ZSWIM4: variants seen among roughly 807,000 people sequenced by gnomAD.
ZSWIM4 encodes zinc finger SWIM-type containing 4.
Under a neutral mutation model 102.5 loss-of-function variants are expected in ZSWIM4, and 62 were observed. The observed-to-expected ratio is 0.60, with a 90% CI of 0.49 to 0.75. The LOEUF is 0.75. Ranked by LOEUF, ZSWIM4 falls within the 30% of genes least tolerant of loss-of-function variation. The pLI, the probability that ZSWIM4 is intolerant of heterozygous loss-of-function variation, is 0.00. For synonymous variants in ZSWIM4, 652 were observed against 674.5 expected, an observed-to-expected ratio of 0.97 and a Z score of 0.52; for missense variants, 1,280 against 1,529.6, an observed-to-expected ratio of 0.84 and a Z score of 2.72.
At chr19:13,810,393 A>G (rs980452890) in intron 5 of ZSWIM4, among the ~76,000 whole-genome samples, 1 of 148,324 alleles carries the variant, frequency 6.7e-6, no homozygotes, top group African/African-American at 2.5e-5. Flanking sequence ...CCTGGGTTCA[A>G]ATGATTCTCC....
rs376521366 is a variant in ZSWIM4, at chr19:13,819,393, G to A, written c.1961G>A (p.Arg654Gln). The A allele has an allele frequency of 1.2e-5, 19 of 1,613,200 alleles. No individual in the cohort carries two copies. Among genetic ancestry groups the A allele is most frequent in the South Asian group, 7.7e-5 (7 of 90,860 alleles). ...PFSGFGEVLFRESVPMHTCAR... is the reference protein window; with the variant it reads ...PFSGFGEVLFQESVPMHTCAR... ...AGTGGCTTTGGGGAGGTGCTGTTCC[G>A]GGAGAGCGTGCCCATGCACACCTGT... Residue 654 changes from arginine to glutamine, a missense_variant, in exon 10 of 14, where the codon CGG becomes CAG. By Grantham distance (43) the Arg-to-Gln change is conservative (BLOSUM62 1). Transcript: ENST00000590508.
intron 5 of ZSWIM4, among the ~76,000 whole-genome samples, chr19:13,811,386 C>T (rs1490880108): frequency 6.6e-6 from 1 of 152,054 alleles, no homozygotes; most frequent in African/African-American, 2.4e-5. Context: ...GCTGGGAGGC[C>T]AGGTGCAGTG....
chr19:13,804,406 G>T (rs1023444319), intron 2 of ZSWIM4, among the ~76,000 whole-genome samples: 2 of 151,850 alleles, frequency 1.3e-5, no homozygotes, highest in Non-Finnish European at 2.9e-5. Flanking sequence ...GGAGGTGGAG[G>T]TTGCGGTGAG....
intron 1 of ZSWIM4, 25 bp downstream of exon 1, chr19:13,795,826 G>A (rs1426265932): frequency 1.6e-5 from 19 of 1,224,820 alleles, no homozygotes; most frequent in Non-Finnish European, 1.8e-5. Flanking sequence ...AGGGGGCGGG[G>A]GCAGGGACGC....
rs28478804 is a variant in ZSWIM4 at position 13,825,332 on chromosome 19, G to A, written c.2216-218G>A. 0.34 allele frequency among the ~76,000 whole-genome samples: 51,814 copies of A among 151,878 alleles called. 9,512 individuals carry two copies. The highest frequency in any genetic ancestry group is 0.48 in the African/African-American group (20,050 of 41,388). On this transcript the variant is annotated intron_variant, in intron 11 of 13. Transcript: ENST00000590508. The surrounding 1 kb of genome is among the most constrained non-coding windows in gnomAD (Gnocchi z 4.6). ...GTGAGCCACTGCGCCCGGCCCCTAG[G>A]TGGCTTTCTGTAACAGGAAAGGGCC... is the stretch of plus-strand genomic sequence containing the variant.
At chr19:13,807,755 A>G (rs897741163) in intron 3 of ZSWIM4, among the ~76,000 whole-genome samples, 7 of 35,814 alleles carry the variant, frequency 2.0e-4, no homozygotes, top group African/African-American at 1.9e-3. Context: ...GGATGGATGC[A>G]TGGATGGATG....
In ZSWIM4 at chr19:13,830,775, C is replaced by G. The variant is rs776380959; in HGVS notation, c.3046C>G (p.Arg1016Gly). 6.2e-7 allele frequency: 1 copy of G among 1,605,154 alleles called. No individual in the cohort carries two copies. The highest frequency in any genetic ancestry group is 8.5e-7 in the Non-Finnish European group (1 of 1,175,972). The change falls in exon 14 of 14, where the codon CGC (arginine) becomes GGC (glycine). Residue 1016 changes from arginine (R) to glycine (G), a missense_variant. Arg to Gly is a moderately radical substitution (Grantham distance 125, BLOSUM62 -2). Transcript: ENST00000590508. Reference protein sequence around the residue: ...SAPGLGPLGARRAAKPLGADR... With the variant: ...SAPGLGPLGAGRAAKPLGADR... ...GCCCGGTCTGGGCCCCTTAGGGGCA[C>G]GCCGGGCCGCCAAGCCACTGGGTGC...
At chr19:13,802,589 A>G (rs34414633) in intron 2 of ZSWIM4, among the ~76,000 whole-genome samples, 2 of 150,946 alleles carry the variant, frequency 1.3e-5, no homozygotes, top group Non-Finnish European at 3.0e-5. Context: ...CAAAAGAAAA[A>G]AAAAAGGGAG....
rs1189263268 is a variant in ZSWIM4 at position 13,809,930 on chromosome 19, G to GA, written c.1012+711dup. Among the ~76,000 whole-genome samples, 5 of 151,886 alleles carry GA rather than the reference G, an allele frequency of 3.3e-5. No homozygotes were observed. In the East Asian group the frequency reaches 7.8e-4, roughly 24 times the overall value. On this transcript the variant is annotated intron_variant, in intron 5 of 13. Coordinates refer to ENST00000590508, the MANE Select transcript of ZSWIM4 (RefSeq NM_001367834.3). The surrounding 1 kb of genome is among the most constrained non-coding windows in gnomAD (Gnocchi z 4.2). ...CCTTGGCCTCTCAAAGTGCTGGGAT[G>GA]ACAGGCATGAGCCACTGTACCAAGC...
chr19:13,812,285 G>C (rs1350621716), intron 5 of ZSWIM4, among the ~76,000 whole-genome samples: 1 of 151,622 alleles, frequency 6.6e-6, no homozygotes, highest in African/African-American at 2.4e-5. Flanking sequence ...TTGTTTGTTT[G>C]TTTTTGTTTT....
In ZSWIM4 at chr19:13,804,891, C is replaced by T; in HGVS notation, c.455C>T (p.Ser152Phe). The T allele has an allele frequency of 6.2e-7, 1 of 1,613,664 alleles. No homozygotes were observed. The highest frequency in any genetic ancestry group is 8.5e-7 in the Non-Finnish European group (1 of 1,180,036). Residue 152 changes from serine (S) to phenylalanine (F), a missense_variant, in exon 3 of 14, where the codon TCC becomes TTC. Physicochemically the swap from Ser to Phe is radical, Grantham distance 155. Transcript: ENST00000590508. ...SISFDRCKIT[S>F]VSCGCDNRDL... is the part of the protein sequence containing the mutation. Reference sequence around the variant, plus strand: ...AGCTTTGATCGCTGCAAGATCACGTCCGTGAGCTGCGGCTGTGACAACCGC... The same window carrying T: ...AGCTTTGATCGCTGCAAGATCACGTTCGTGAGCTGCGGCTGTGACAACCGC...
intron 3 of ZSWIM4, 75 bp from the exon 4 acceptor site, chr19:13,808,761 A>AAT: frequency 8.4e-7 from 1 of 1,192,370 alleles, no homozygotes; most frequent in Non-Finnish European, 1.1e-6. Context: ...AAAAAAAAAA[A>AAT]GGACAGCTCT....
Position 13,805,072 on chromosome 19 carries a change from C to A in ZSWIM4, c.636C>A (p.His212Gln). The part of the protein sequence containing the change: ...KFVQYLISAH[H>Q]TEVLPTAQRL... ...TGCAGTACCTCATCAGCGCCCATCA[C>A]ACTGAGGTGCTGCCCACTGCTCAGC... The change falls in exon 3 of 14, where the codon CAC becomes CAA. Residue 212 changes from histidine to glutamine, a missense_variant. Physicochemically the swap from His to Gln is conservative, Grantham distance 24. Transcript: ENST00000590508. The A allele has an allele frequency of 6.2e-7, 1 of 1,608,062 alleles. No individual in the cohort carries two copies.
At position 13,830,206 on chromosome 19, in the gene ZSWIM4, T is replaced by A; in HGVS notation, c.2477T>A (p.Met826Lys). The A allele has an allele frequency of 6.2e-7, 1 of 1,611,660 alleles. No homozygotes were observed. Among genetic ancestry groups the A allele is most frequent in the Non-Finnish European group, 8.5e-7 (1 of 1,178,612 alleles). The change falls in exon 14 of 14, where the codon ATG (methionine) becomes AAG (lysine). Residue 826 changes from methionine to lysine, a missense_variant. Met to Lys is a moderately conservative substitution (Grantham distance 95). Transcript: ENST00000590508. ...CTCCCACCAGGCCCGCAAGCCCTGA[T>A]GAATATCATGCAGAACTGGTATTCC... is the stretch of plus-strand genomic sequence containing the variant. ...CATEIGPQAL[M>K]NIMQNWYSLF... is the part of the protein sequence containing the mutation.
At chr19:13,815,475 TTTTTTTTTTTTTTG>T in intron 7 of ZSWIM4, among the ~76,000 whole-genome samples, 1 of 129,404 alleles carries the variant, frequency 7.7e-6, no homozygotes, top group African/African-American at 3.0e-5. Context: ...TTTTTTTTTT[TTTTTTTTTTTTTTG>T]AGATGGAGTC....
rs762129863 is a variant in ZSWIM4 at position 13,819,425 on chromosome 19, T to C, written c.1993T>C (p.Tyr665His). ...CGTGCCCATGCACACCTGTGCCCGC[T>C]ACCTGTTCACCGCACTGCTGCCTCA... ...ESVPMHTCAR[Y>H]LFTALLPHDP... The change falls in exon 10 of 14, where the codon TAC (tyrosine) becomes CAC (histidine). Residue 665 changes from tyrosine (Y) to histidine (H), a missense_variant. Tyr to His is a moderately conservative substitution (Grantham distance 83). Coordinates refer to ENST00000590508, the MANE Select transcript of ZSWIM4 (RefSeq NM_001367834.3). The C allele has an allele frequency of 6.2e-7, 1 of 1,611,758 alleles. No individual in the cohort carries two copies. Among genetic ancestry groups the C allele is most frequent in the African/African-American group, 1.3e-5 (1 of 75,040 alleles).
Position 13,799,913 on chromosome 19 carries a change from T to G in ZSWIM4, c.347T>G (p.Leu116Trp), listed in dbSNP as rs750703596. ...LLQSGAVDRV[L>W]QVGFHLSGNI... Reference sequence around the variant, plus strand: ...CAGAGCGGGGCCGTGGACCGCGTGTTGCAAGTGGGTGAGTCTTTGTCCCCC... The same window carrying G: ...CAGAGCGGGGCCGTGGACCGCGTGTGGCAAGTGGGTGAGTCTTTGTCCCCC... The change falls in exon 2 of 14, where the codon TTG (leucine) becomes TGG (tryptophan). Residue 116 changes from leucine to tryptophan, a missense_variant. Leu to Trp is a moderately conservative substitution (Grantham distance 61). Transcript: ENST00000590508. 9 of 1,610,056 alleles carry G rather than the reference T, an allele frequency of 5.6e-6. No homozygotes were observed. Among genetic ancestry groups the G allele is most frequent in the African/African-American group, 1.3e-5 (1 of 74,922 alleles).
In ZSWIM4 at chr19:13,817,771, C is replaced by T; in HGVS notation, c.1719C>T (p.Pro573=). The T allele has an allele frequency of 2.5e-6, 4 of 1,603,046 alleles. No homozygotes were observed. Among genetic ancestry groups the T allele is most frequent in the Admixed American group, 1.7e-5 (1 of 57,454 alleles). ...RKVAYQHVPV[P]GSPGESYLVL... The stretch of plus-strand genomic sequence containing the variant: ...TGGCCTACCAGCACGTGCCTGTGCC[C>T]GGGAGCCCTGGGGAGTCCTACTTGG... Residue 573 remains proline, a synonymous_variant, in exon 9 of 14, where the codon CCC becomes CCT. Transcript: ENST00000590508.
Position 13,825,676 on chromosome 19 carries a change from C to T in ZSWIM4, c.2342C>T (p.Thr781Ile). Residue 781 changes from threonine to isoleucine, a missense_variant, in exon 12 of 14, where the codon ACC becomes ATC. Thr to Ile is a moderately conservative substitution (Grantham distance 89). Transcript: ENST00000590508. This position sits in a 1 kb window ranked among gnomAD's most constrained non-coding sequence, Gnocchi z 4.6. ...ACCCCGGTCAGCGCCCCACCAGACA[C>T]CACGCTGCTGGGCATCGCACTGGAG... ...TATPVSAPPD[T>I]TLLGIALELG... The T allele has an allele frequency of 6.2e-7, 1 of 1,612,722 alleles. No homozygotes were observed. Among genetic ancestry groups the T allele is most frequent in the Non-Finnish European group, 8.5e-7 (1 of 1,179,986 alleles).
Sources: allele counts gnomAD v4.1 joint callset (sites outside exome capture counted in the v4.1 genomes callset), GRCh38; gene constraint gnomAD v4.1.1; non-coding constraint Gnocchi (gnomAD v3.1); transcripts MANE v1.5; gene names NCBI Gene and HGNC (gene_info 2026-07-23, HGNC 2026-07-21).